Variants in CUL3 observed in about 807,000 individuals in gnomAD.
The protein encoded by CUL3 is cullin 3.
A neutral mutation model predicts 89.1 loss-of-function variants in CUL3; 19 were observed. The observed-to-expected ratio is 0.21, with a 90% confidence interval of 0.15 to 0.31. The LOEUF (loss-of-function observed/expected upper bound fraction) is 0.31, where lower values mean the gene tolerates loss of function less well. CUL3 is among the 10% of genes least tolerant of loss of function. The pLI is 1.00. For synonymous variants in CUL3, 351 were observed against 308.4 expected, an observed-to-expected ratio of 1.14 and a Z score of -1.45; for missense variants, 469 against 942.3, an observed-to-expected ratio of 0.50 and a Z score of 6.58.
Position 224,580,600 on chromosome 2 carries a change from G to A in CUL3, c.66+4344C>T, listed in dbSNP as rs1041506039. Among the ~76,000 whole-genome samples, 8 of 152,058 alleles carry A rather than the reference G, an allele frequency of 5.3e-5. No homozygotes were observed. In the East Asian group the frequency reaches 1.4e-3, roughly 26 times the overall value. ...TTGGGAGACTGAGACACAAGAATCG[G>A]TTGAACCCAAGAGGTGGAGGCTGCA... On this transcript the variant is annotated intron_variant, in intron 1 of 15. Transcript: ENST00000264414.
chr2:224,567,429 C>T (rs1264075241), intron 1 of CUL3, among the ~76,000 whole-genome samples: 2 of 151,756 alleles, frequency 1.3e-5, no homozygotes, highest in Non-Finnish European at 1.5e-5. Flanking sequence ...GCTTTGTTGC[C>T]CAGGGTGGTG....
intron 1 of CUL3, among the ~76,000 whole-genome samples, chr2:224,559,452 CAA>C (rs34898102): frequency 2.5e-4 from 17 of 67,482 alleles, no homozygotes; most frequent in African/African-American, 3.7e-4. Flanking sequence ...GATTGTGTCT[CAA>C]AAAAAAAAAA....
In CUL3 at chr2:224,485,768, A is replaced by G. The variant is rs1369228591; in HGVS notation, c.1843-3690T>C. Among the ~76,000 whole-genome samples, 1 of 152,244 alleles carries G rather than the reference A, an allele frequency of 6.6e-6. No homozygotes were observed. The highest frequency in any genetic ancestry group is 1.5e-5 in the Non-Finnish European group (1 of 68,044). ...CAGCACTCCAGCTCTGCGAAGGGAC[A>G]GACTGCCTCCTCAAGTGGGTCCGTG... On this transcript the variant is annotated intron_variant, in intron 13 of 15. Transcript: ENST00000264414. The surrounding 1 kb of genome is among the most constrained non-coding windows in gnomAD (Gnocchi z 4.1).
intron 1 of CUL3, among the ~76,000 whole-genome samples, chr2:224,579,152 G>A (rs541179091): frequency 1.2e-4 from 18 of 152,188 alleles, no homozygotes; most frequent in East Asian, 9.6e-4. Flanking sequence ...AATAACAACC[G>A]TATGCTTTTA....
chr2:224,474,154 G>C lies in CUL3; in HGVS notation c.*91C>G. ...ACATGTACTGTAATTTAATAGAAGA[G>C]ATGGTCGTCTTAATATTTAATGATT... On this transcript the variant is annotated 3_prime_UTR_variant, in exon 16 of 16. Coordinates refer to ENST00000264414, the MANE Select transcript of CUL3 (RefSeq NM_003590.5). 1.5e-6 allele frequency: 2 copies of C among 1,310,786 alleles called. No homozygotes were observed. The highest frequency in any genetic ancestry group is 2.1e-6 in the Non-Finnish European group (2 of 949,956). The allele number at this position is 1,310,786 out of a possible 1,614,324, so 81.2% of individuals were successfully genotyped here.
At chr2:224,535,397 T>A (rs1004285900) in intron 3 of CUL3, 131 bp downstream of exon 3, 1 of 550,936 alleles carries the variant, frequency 1.8e-6, no homozygotes, top group Non-Finnish European at 3.2e-6. Context: ...CTCAATGTCC[T>A]GACCTTAAAT....
At chr2:224,486,193 G>C (rs901048811) in intron 13 of CUL3, among the ~76,000 whole-genome samples, 5 of 152,148 alleles carry the variant, frequency 3.3e-5, no homozygotes, top group African/African-American at 9.7e-5. Context: ...CCAAAAACTA[G>C]AATGCCTCTT....
chr2:224,539,992 G>A (rs992556996), intron 2 of CUL3, among the ~76,000 whole-genome samples: 2 of 152,090 alleles, frequency 1.3e-5, no homozygotes, highest in African/African-American at 4.8e-5. Context: ...TGCATACAGG[G>A]GGGGAGGCTG....
intron 1 of CUL3, among the ~76,000 whole-genome samples, chr2:224,564,929 G>A (rs916682784): frequency 7.2e-5 from 11 of 152,106 alleles, no homozygotes; most frequent in Admixed American, 2.0e-4. Flanking sequence ...AGAAACATAA[G>A]CCTTATATTT....
intron 13 of CUL3, among the ~76,000 whole-genome samples, chr2:224,489,361 C>T (rs1270880822): frequency 3.9e-5 from 6 of 152,190 alleles, no homozygotes; most frequent in Admixed American, 3.3e-4. Context: ...AAAACCCCAT[C>T]GTCTCAGCCC....
At chr2:224,564,480 C>T (rs554585315) in intron 1 of CUL3, among the ~76,000 whole-genome samples, 1 of 152,250 alleles carries the variant, frequency 6.6e-6, no homozygotes, top group East Asian at 1.9e-4. Context: ...TTTTGAGAGA[C>T]CACATTCATG....
At chr2:224,555,344 T>C (rs1694661108) in intron 2 of CUL3, among the ~76,000 whole-genome samples, 1 of 152,196 alleles carries the variant, frequency 6.6e-6, no homozygotes, top group African/African-American at 2.4e-5. Flanking sequence ...ATTTCTGACA[T>C]CATCCATTCA....
At chr2:224,474,682 T>C (rs759514713) in intron 15 of CUL3, among the ~76,000 whole-genome samples, 1 of 152,246 alleles carries the variant, frequency 6.6e-6, no homozygotes, top group African/African-American at 2.4e-5. Context: ...ATCTACTGAA[T>C]TCTGAGTTAT....
chr2:224,491,122 G>T (rs2140508), intron 13 of CUL3, among the ~76,000 whole-genome samples: 113,531 of 152,118 alleles, frequency 0.75, 42,976 homozygotes, highest in African/African-American at 0.89. Context: ...TGCATTTTCT[G>T]GTCCAGATGA....
Position 224,485,977 on chromosome 2 carries a change from A to G in CUL3, c.1843-3899T>C, listed in dbSNP as rs1002065644. ...TGATACGTAGGTGAACAGGGTCTGG[A>G]GTGGACCTCCAGCAAACTGCAGCAG... On this transcript the variant is annotated intron_variant, in intron 13 of 15. Coordinates refer to ENST00000264414, the MANE Select transcript of CUL3 (RefSeq NM_003590.5). This position sits in a 1 kb window ranked among gnomAD's most constrained non-coding sequence, Gnocchi z 4.1. 6.6e-6 allele frequency among the ~76,000 whole-genome samples: 1 copy of G among 152,260 alleles called. No homozygotes were observed. Among genetic ancestry groups the G allele is most frequent in the Non-Finnish European group, 1.5e-5 (1 of 68,044 alleles).
chr2:224,483,489 A>G (rs1169675159), intron 13 of CUL3, among the ~76,000 whole-genome samples: 1 of 152,206 alleles, frequency 6.6e-6, no homozygotes, highest in East Asian at 1.9e-4. Context: ...TAGGAACAAG[A>G]TAAGGATGCC....
chr2:224,546,650 A>T (rs1694312010), intron 2 of CUL3, among the ~76,000 whole-genome samples: 1 of 141,164 alleles, frequency 7.1e-6, no homozygotes, highest in South Asian at 2.4e-4. Flanking sequence ...TCACTAAAAA[A>T]TACAACAGAA....
At chr2:224,533,615 T>A (rs1693774656) in intron 3 of CUL3, among the ~76,000 whole-genome samples, 1 of 152,216 alleles carries the variant, frequency 6.6e-6, no homozygotes, top group African/African-American at 2.4e-5. Flanking sequence ...TATCTTAATG[T>A]TAGATAGTTA....
At chr2:224,507,157 A>G (rs947418958) in intron 6 of CUL3, among the ~76,000 whole-genome samples, 154 bp from the exon 7 acceptor site, 10 of 152,208 alleles carry the variant, frequency 6.6e-5, no homozygotes, top group African/African-American at 2.4e-4. Flanking sequence ...TTGATATGAA[A>G]ACATGAAGAA....
Sources: gnomAD v4.1 joint callset for allele counts (sites outside exome capture counted in the v4.1 genomes callset) on GRCh38, gnomAD v4.1.1 for gene constraint, Gnocchi (gnomAD v3.1) non-coding constraint, MANE v1.5 for transcripts, NCBI Gene and HGNC (gene_info 2026-07-23, HGNC 2026-07-21) for gene names.